Variants in MACROD2 observed in about 807,000 individuals in gnomAD.
The protein encoded by MACROD2 is mono-ADP ribosylhydrolase 2, also known as ADP-ribose glycohydrolase MACROD2.
A neutral mutation model predicts 70.4 loss-of-function variants in MACROD2; 36 were observed. That is an observed-to-expected ratio of 0.51 (90% CI 0.39 to 0.68). The LOEUF is 0.68. Ranked by LOEUF, MACROD2 falls within the 30% of genes least tolerant of loss-of-function variation. The pLI is 0.00. For missense variants in MACROD2, 496 were observed against 538.4 expected, an observed-to-expected ratio of 0.92 and a Z score of 0.78; for synonymous variants, 172 against 178.8, an observed-to-expected ratio of 0.96 and a Z score of 0.30.
intron 11 of MACROD2, among the ~76,000 whole-genome samples, chr20:15,934,552 G>T (rs2065628804): frequency 6.6e-6 from 1 of 152,082 alleles, no homozygotes; most frequent in African/African-American, 2.4e-5. Flanking sequence ...AGCTGTCACT[G>T]TTTTTATTGT....
chr20:14,003,318 A>C (rs1360967011), intron 2 of MACROD2, among the ~76,000 whole-genome samples: 3 of 152,154 alleles, frequency 2.0e-5, no homozygotes, highest in African/African-American at 7.2e-5. Flanking sequence ...TTTGGGTTTT[A>C]GACACAACTT....
At chr20:14,346,907 T>A (rs1467750279) in intron 3 of MACROD2, among the ~76,000 whole-genome samples, 2 of 152,232 alleles carry the variant, frequency 1.3e-5, no homozygotes, top group Non-Finnish European at 2.9e-5. Context: ...AAAGACTTTA[T>A]AACTAACTTT....
At chr20:15,222,040 A>G (rs2076866367) in intron 5 of MACROD2, among the ~76,000 whole-genome samples, 1 of 152,214 alleles carries the variant, frequency 6.6e-6, no homozygotes, top group Non-Finnish European at 1.5e-5. Context: ...GTAACCAAGA[A>G]CAGTGAAAAA....
intron 2 of MACROD2, among the ~76,000 whole-genome samples, chr20:14,071,711 A>G (rs1192563074): frequency 6.6e-6 from 1 of 152,166 alleles, no homozygotes. Context: ...GAATCAATCT[A>G]TCTCTAATGT....
chr20:14,582,336 G>C (rs1275589690), intron 4 of MACROD2, among the ~76,000 whole-genome samples: 1 of 151,844 alleles, frequency 6.6e-6, no homozygotes, highest in Non-Finnish European at 1.5e-5. Context: ...TCGAATGCTG[G>C]AAAAGAGCCC....
chr20:14,830,271 G>A (rs2072949676), intron 5 of MACROD2, among the ~76,000 whole-genome samples: 1 of 152,032 alleles, frequency 6.6e-6, no homozygotes, highest in African/African-American at 2.4e-5. Context: ...TGGTAATTGG[G>A]CTGTGTTATG....
At chr20:14,181,130 G>C (rs1038547794) in intron 3 of MACROD2, among the ~76,000 whole-genome samples, 5 of 150,942 alleles carry the variant, frequency 3.3e-5, no homozygotes, top group African/African-American at 1.2e-4. Flanking sequence ...TGCAGTGGTG[G>C]TGATCTTGGC....
intron 8 of MACROD2, among the ~76,000 whole-genome samples, chr20:15,670,413 A>G (rs1410857778): frequency 6.6e-6 from 1 of 152,202 alleles, no homozygotes; most frequent in Admixed American, 6.5e-5. Context: ...GAACTTCTAC[A>G]GACAGACTCA....
chr20:15,629,113 G>A (rs75222960), intron 8 of MACROD2, among the ~76,000 whole-genome samples: 9,735 of 152,122 alleles, frequency 0.064, 389 homozygotes, highest in Middle Eastern at 0.13. Flanking sequence ...AAATATATTC[G>A]CATTTCTGTG....
chr20:14,252,611 C>CTT (rs796527220), intron 3 of MACROD2, among the ~76,000 whole-genome samples: 6 of 152,024 alleles, frequency 3.9e-5, no homozygotes, highest in African/African-American at 1.2e-4. Context: ...TTTTGAACTC[C>CTT]TAGAACAGAA....
chr20:15,578,451 G>C (rs1424748134), intron 8 of MACROD2, among the ~76,000 whole-genome samples: 1 of 152,192 alleles, frequency 6.6e-6, no homozygotes, highest in Non-Finnish European at 1.5e-5. Context: ...ATTGAATGTG[G>C]TAATGATGCA....
chr20:15,113,797 T>TGTGTGTGTGTGTGTGC (rs2075973335), intron 5 of MACROD2, among the ~76,000 whole-genome samples: 1 of 147,744 alleles, frequency 6.8e-6, no homozygotes, highest in African/African-American at 2.5e-5. Flanking sequence ...TGTGTGTGTG[T>TGTGTGTGTGTGTGTGC]GTGCTGGAGG....
chr20:15,989,123 TG>T (rs1462825493), intron 15 of MACROD2, among the ~76,000 whole-genome samples: 19 of 152,290 alleles, frequency 1.2e-4, no homozygotes, highest in African/African-American at 4.6e-4. Context: ...AAACAATGCA[TG>T]ACACATAGAA....
chr20:15,223,412 C>T (rs1441807327), intron 5 of MACROD2, among the ~76,000 whole-genome samples: 2 of 152,138 alleles, frequency 1.3e-5, no homozygotes, highest in African/African-American at 4.8e-5. Context: ...CTGTGACAGC[C>T]ATGTCTGCCC....
At chr20:15,959,380 A>G (rs534312497) in intron 12 of MACROD2, among the ~76,000 whole-genome samples, 2 of 152,296 alleles carry the variant, frequency 1.3e-5, no homozygotes, top group South Asian at 4.1e-4. Context: ...TTTCGTCTTT[A>G]ATTTTCTGTA....
chr20:15,783,034 ATTCT>A (rs2051861669), intron 8 of MACROD2, among the ~76,000 whole-genome samples: 1 of 152,028 alleles, frequency 6.6e-6, no homozygotes, highest in East Asian at 1.9e-4. Flanking sequence ...TATCTTTTAC[ATTCT>A]TTCTTTTTTA....
intron 3 of MACROD2, among the ~76,000 whole-genome samples, chr20:14,206,434 C>T (rs2081523572): frequency 6.6e-6 from 1 of 152,140 alleles, no homozygotes; most frequent in Non-Finnish European, 1.5e-5. Context: ...CATATAAAAA[C>T]GTTCAGGAAA....
chr20:15,639,753 C>T (rs1347372188), intron 8 of MACROD2, among the ~76,000 whole-genome samples: 1 of 152,174 alleles, frequency 6.6e-6, no homozygotes, highest in East Asian at 1.9e-4. Context: ...GACCTCAAGC[C>T]TCTTTCCTAC....
At chr20:15,420,511 G>A (rs1057003260) in intron 6 of MACROD2, among the ~76,000 whole-genome samples, 1 of 152,158 alleles carries the variant, frequency 6.6e-6, no homozygotes. Context: ...AGCCTTGTGG[G>A]TGGGATGGGC....
Sources: allele counts gnomAD v4.1 joint callset (sites outside exome capture counted in the v4.1 genomes callset), GRCh38; gene constraint gnomAD v4.1.1; transcripts MANE v1.5; gene names NCBI Gene and HGNC (gene_info 2026-07-23, HGNC 2026-07-21).